Variants in RSBN1L observed in about 807,000 individuals in gnomAD.
The protein encoded by RSBN1L is lysine-specific demethylase RSBN1L.
Under a neutral mutation model 67.7 loss-of-function variants are expected in RSBN1L, and 30 were observed. The ratio of observed to expected loss-of-function variants is 0.44; its 90% confidence interval spans 0.33 to 0.60. RSBN1L has a LOEUF of 0.60. Ranked by LOEUF, RSBN1L falls within the 20% of genes least tolerant of loss-of-function variation. The probability of loss-of-function intolerance (pLI) is 0.02; values close to 1 mark genes in which losing one functional copy is unlikely to be tolerated. For missense variants in RSBN1L, 992 were observed against 1,031.7 expected (o/e 0.96, Z 0.53); for synonymous variants, 433 against 387.0 (o/e 1.12, Z -1.39).
chr7:77,768,835 A>G (rs775334811), intron 5 of RSBN1L, 32 bp downstream of exon 5: 7 of 1,605,808 alleles, frequency 4.4e-6, no homozygotes, highest in Non-Finnish European at 6.0e-6. Flanking sequence ...ATTGGAGGGG[A>G]TGAGTGTTTG....
Position 77,696,881 on chromosome 7 carries a change from C to T in RSBN1L, c.412C>T (p.Gln138Ter), listed in dbSNP as rs1173164468. ...LLVPPTLLHAQPHHLLLPAAA... is the reference protein window; with the variant it reads ...LLVPPTLLHA Reference sequence around the variant, plus strand: ...GGTCCCTCCTACGCTGCTGCACGCTCAGCCTCACCATCTCCTCCTGCCCGC... The same window carrying T: ...GGTCCCTCCTACGCTGCTGCACGCTTAGCCTCACCATCTCCTCCTGCCCGC... The change falls in exon 1 of 8, where the codon CAG becomes TAG. Residue 138 changes from glutamine to a stop codon, truncating the protein, a stop_gained. Transcript: ENST00000334955. LOFTEE classifies it high-confidence loss of function. The T allele has an allele frequency of 6.2e-7, 1 of 1,609,484 alleles. No homozygotes were observed. The highest frequency in any genetic ancestry group is 8.5e-7 in the Non-Finnish European group (1 of 1,179,820).
intron 1 of RSBN1L, among the ~76,000 whole-genome samples, chr7:77,731,383 G>A (rs1289174632): frequency 6.6e-6 from 1 of 151,816 alleles, no homozygotes. Flanking sequence ...CTACAGGCAC[G>A]CACCACCGTG....
chr7:77,708,241 A>G (rs1449004481), intron 1 of RSBN1L, among the ~76,000 whole-genome samples: 1 of 151,926 alleles, frequency 6.6e-6, no homozygotes, highest in African/African-American at 2.4e-5. Flanking sequence ...AAGATTGTAG[A>G]GGCAGGAGGG....
rs1201810663 is a variant in RSBN1L at position 77,754,754 on chromosome 7, G to A, written c.1344+4690G>A. On this transcript the variant is annotated intron_variant, in intron 3 of 7. Transcript: ENST00000334955. ...GGAGGCTGAGGCAAGAGGATCACTA[G>A]GACCCAGGAGTTTGAGCCCAGCCTG... is the stretch of plus-strand genomic sequence containing the variant. Among the ~76,000 whole-genome samples the A allele has an allele frequency of 2.6e-5, 4 of 152,120 alleles. No homozygotes were observed. In the East Asian group the frequency reaches 7.7e-4, roughly 29 times the overall value.
chr7:77,718,862 T>G (rs188943354), intron 1 of RSBN1L, among the ~76,000 whole-genome samples: 1 of 152,312 alleles, frequency 6.6e-6, no homozygotes, highest in African/African-American at 2.4e-5. Context: ...CTGGAGTTGC[T>G]CATTGGTGTT....
chr7:77,777,547 G>A (rs1162130612), intron 6 of RSBN1L, among the ~76,000 whole-genome samples: 1 of 151,872 alleles, frequency 6.6e-6, no homozygotes, highest in Non-Finnish European at 1.5e-5. Flanking sequence ...TTTAAAAGTA[G>A]TCCATTCTCT....
intron 1 of RSBN1L, among the ~76,000 whole-genome samples, chr7:77,721,624 A>G (rs1303108170): frequency 1.3e-5 from 2 of 152,228 alleles, no homozygotes; most frequent in Non-Finnish European, 2.9e-5. Context: ...CATTTTAGCT[A>G]AGGGATATAT....
intron 6 of RSBN1L, among the ~76,000 whole-genome samples, chr7:77,773,675 A>G (rs953379042): frequency 1.3e-5 from 2 of 152,168 alleles, no homozygotes; most frequent in East Asian, 3.9e-4. Context: ...AGGCAGGAGA[A>G]TTGCTTGAAC....
chr7:77,772,711 TCA>T (rs1240262926), intron 5 of RSBN1L, among the ~76,000 whole-genome samples: 16 of 152,130 alleles, frequency 1.1e-4, no homozygotes, highest in African/African-American at 3.9e-4. Flanking sequence ...TGCTATTGTC[TCA>T]TTCACTGGCC....
chr7:77,739,572 G>T (rs565746187), intron 2 of RSBN1L, among the ~76,000 whole-genome samples: 2 of 150,980 alleles, frequency 1.3e-5, no homozygotes, highest in South Asian at 4.2e-4. Context: ...AATTAGCCGG[G>T]CGTGGTGGCG....
intron 1 of RSBN1L, among the ~76,000 whole-genome samples, chr7:77,714,131 C>A (rs1465420837): frequency 2.0e-5 from 3 of 152,296 alleles, no homozygotes; most frequent in South Asian, 4.1e-4. Flanking sequence ...TCAACTAACA[C>A]CCTCATTACT....
At chr7:77,741,616 C>T (rs544004199) in intron 2 of RSBN1L, among the ~76,000 whole-genome samples, 10 of 150,036 alleles carry the variant, frequency 6.7e-5, no homozygotes, top group South Asian at 4.2e-4. Context: ...GGTGTGAACC[C>T]GGGAGGTGGA....
At chr7:77,755,126 T>G (rs904935149) in intron 3 of RSBN1L, among the ~76,000 whole-genome samples, 1 of 152,138 alleles carries the variant, frequency 6.6e-6, no homozygotes, top group Non-Finnish European at 1.5e-5. Flanking sequence ...TGAGTCAGTA[T>G]TCTAGGGGAA....
At chr7:77,731,572 G>A (rs111663646) in intron 1 of RSBN1L, among the ~76,000 whole-genome samples, 219 of 152,210 alleles carry the variant, frequency 1.4e-3, no homozygotes, top group African/African-American at 4.6e-3. Context: ...TTATTATTGA[G>A]TTTAAAGAGT....
Position 77,780,204 on chromosome 7 carries a change from T to G in RSBN1L, c.*1036T>G, listed in dbSNP as rs1343878887. 3 of 152,028 alleles carry G rather than the reference T, an allele frequency of 2.0e-5. No homozygotes were observed. Among genetic ancestry groups the G allele is most frequent in the Non-Finnish European group, 4.4e-5 (3 of 68,014 alleles). 9.4% of individuals were successfully genotyped at this position (152,028 alleles called of 1,614,324 possible). ...GCGTGTGTGTGAATGTGTATATATA[T>G]GTATATATATATCATATTTTGCATA... On this transcript the variant is annotated 3_prime_UTR_variant, in exon 8 of 8. Transcript: ENST00000334955.
At chr7:77,747,344 GC>G (rs1237232489) in intron 2 of RSBN1L, among the ~76,000 whole-genome samples, 2 of 152,192 alleles carry the variant, frequency 1.3e-5, no homozygotes, top group Non-Finnish European at 2.9e-5. Flanking sequence ...GTCCTAGAAG[GC>G]ATTTCAGAGA....
At chr7:77,766,962 A>C (rs1456268944) in intron 4 of RSBN1L, among the ~76,000 whole-genome samples, 2 of 151,996 alleles carry the variant, frequency 1.3e-5, no homozygotes, top group Non-Finnish European at 2.9e-5. Flanking sequence ...TGGTTGCTTC[A>C]AGTTTAATTT....
chr7:77,736,457 GA>G lies in RSBN1L; in HGVS notation c.641del (p.Lys214ArgfsTer5). ...AGAGAGAGACAAAGAAAAAGAAAGAGAAAAAAAGAAACATAAAGTAATGAAT... is the reference window on the plus strand; with the variant it reads ...AGAGAGAGACAAAGAAAAAGAAAGAGAAAAAAGAAACATAAAGTAATGAAT... ...IKERDKEKEREKKKHKVMNEI... is the reference protein window; with the variant it reads ...IKERDKEKERXKKKHKVMNEI... On this transcript the variant is annotated frameshift_variant, in exon 2 of 8. Transcript: ENST00000334955. LOFTEE classifies it high-confidence loss of function. 8.6e-6 allele frequency: 10 copies of G among 1,166,718 alleles called. No homozygotes were observed. The highest frequency in any genetic ancestry group is 2.9e-5 in the South Asian group (2 of 68,768). 72.3% of individuals were successfully genotyped at this position (1,166,718 alleles called of 1,614,324 possible).
chr7:77,775,115 C>T (rs1414536539), intron 6 of RSBN1L, among the ~76,000 whole-genome samples: 1 of 151,974 alleles, frequency 6.6e-6, no homozygotes, highest in Non-Finnish European at 1.5e-5. Flanking sequence ...CCAGAGTTGG[C>T]CTATTTTAAA....
Sources: allele counts gnomAD v4.1 joint callset (sites outside exome capture counted in the v4.1 genomes callset), GRCh38; gene constraint gnomAD v4.1.1; transcripts MANE v1.5; gene names NCBI Gene and HGNC (gene_info 2026-07-23, HGNC 2026-07-21).